PPP2R2B: variants seen among roughly 807,000 people sequenced by gnomAD.
PPP2R2B encodes protein phosphatase 2 regulatory subunit Bbeta.
A neutral mutation model predicts 46.0 loss-of-function variants in PPP2R2B; 5 were observed. The observed-to-expected ratio is 0.11, with a 90% CI of 0.06 to 0.23. The LOEUF (loss-of-function observed/expected upper bound fraction) is 0.23, where lower values mean the gene tolerates loss of function less well. PPP2R2B is among the 10% of genes least tolerant of loss of function. PPP2R2B has a pLI of 1.00. For missense variants in PPP2R2B, 367 were observed against 575.0 expected (o/e 0.64, Z 3.70); for synonymous variants, 215 against 206.7 (o/e 1.04, Z -0.34).
intron 7 of PPP2R2B, among the ~76,000 whole-genome samples, chr5:146,624,113 C>T (rs1029552146): frequency 2.0e-5 from 3 of 152,010 alleles, no homozygotes; most frequent in Non-Finnish European, 4.4e-5. Context: ...TTTTCTAAAC[C>T]CTGATTTCCT....
intron 2 of PPP2R2B, among the ~76,000 whole-genome samples, chr5:146,749,606 C>CT (rs1045634394): frequency 0.014 from 1,489 of 103,810 alleles, 41 homozygotes; most frequent in African/African-American, 0.033. Flanking sequence ...CTTTTCTTTT[C>CT]TTTTTTTTTT....
At chr5:146,731,906 C>G (rs1752254030) in intron 2 of PPP2R2B, among the ~76,000 whole-genome samples, 1 of 152,160 alleles carries the variant, frequency 6.6e-6, no homozygotes, top group Admixed American at 6.5e-5. Context: ...ATTAATTTCT[C>G]TAACTATATT....
chr5:146,650,653 T>C lies in PPP2R2B; in HGVS notation c.519A>G (p.Thr173=), dbSNP rs1425840485. 3 of 1,613,984 alleles carry C rather than the reference T, an allele frequency of 1.9e-6. No individual in the cohort carries two copies. Among genetic ancestry groups the C allele is most frequent in the Non-Finnish European group, 2.5e-6 (3 of 1,179,990 alleles). Residue 173 remains threonine, a synonymous_variant, in exon 6 of 10, where the codon ACA becomes ACG. Transcript: ENST00000394411. ...TPRRVFANAH[T]YHINSISVNS... ...TGACAGATATGGAGTTGATGTGATATGTGTGTGCGTTGGCAAATACTCTTC... is the reference window on the plus strand; with the variant it reads ...TGACAGATATGGAGTTGATGTGATACGTGTGTGCGTTGGCAAATACTCTTC...
intron 6 of PPP2R2B, among the ~76,000 whole-genome samples, chr5:146,649,552 C>T (rs1479634750): frequency 6.6e-6 from 1 of 152,022 alleles, no homozygotes; most frequent in African/African-American, 2.4e-5. Context: ...TCAAGCGATT[C>T]TCCTGCCTCA....
chr5:146,633,558 G>A (rs1420797601), intron 7 of PPP2R2B, among the ~76,000 whole-genome samples: 2 of 152,254 alleles, frequency 1.3e-5, no homozygotes, highest in Non-Finnish European at 2.9e-5. Context: ...AAGGAGTCAG[G>A]AAAATGAATT....
At chr5:147,060,850 CT>C (rs963194301), upstream of PPP2R2B, among the ~76,000 whole-genome samples, 1 of 152,050 alleles carries the variant, frequency 6.6e-6, no homozygotes, top group Admixed American at 6.6e-5. Flanking sequence ...AAAAATTGGA[CT>C]TTTTTTATGC....
intron 2 of PPP2R2B, among the ~76,000 whole-genome samples, chr5:146,803,457 G>T (rs1045961573): frequency 1.3e-5 from 2 of 152,084 alleles, no homozygotes; most frequent in Non-Finnish European, 2.9e-5. Context: ...ACTGTTATGA[G>T]AATCTAACCA....
At chr5:146,691,484 T>C (rs1474856557) in intron 4 of PPP2R2B, among the ~76,000 whole-genome samples, 2 of 152,226 alleles carry the variant, frequency 1.3e-5, no homozygotes, top group African/African-American at 2.4e-5. Flanking sequence ...CTTAAATCTA[T>C]AGCTTATACC....
chr5:146,818,223 G>A (rs1758046875), intron 2 of PPP2R2B, among the ~76,000 whole-genome samples: 2 of 152,150 alleles, frequency 1.3e-5, no homozygotes, highest in South Asian at 4.1e-4. Flanking sequence ...GGCATGGAAA[G>A]CTGTCTTGAT....
chr5:146,888,454 C>G (rs1762396940), intron 1 of PPP2R2B, among the ~76,000 whole-genome samples: 1 of 152,118 alleles, frequency 6.6e-6, no homozygotes, highest in African/African-American at 2.4e-5. Flanking sequence ...AACTATCATC[C>G]TATCTCACCA....
intron 1 of PPP2R2B, among the ~76,000 whole-genome samples, chr5:147,055,072 C>T (rs1757012102): frequency 6.6e-6 from 1 of 152,166 alleles, no homozygotes; most frequent in Non-Finnish European, 1.5e-5. Context: ...GTAGAAGGCT[C>T]AGCCTACCCT....
chr5:146,838,570 C>CAAAAA (rs67308237), intron 2 of PPP2R2B, among the ~76,000 whole-genome samples: 1 of 97,274 alleles, frequency 1.0e-5, no homozygotes. Context: ...GCCTCCATCT[C>CAAAAA]AAAAAAAAAA....
Position 146,588,278 on chromosome 5 carries a change from C to CTGT in PPP2R2B, c.*1666_*1668dup, listed in dbSNP as rs1445843474. On this transcript the variant is annotated 3_prime_UTR_variant, in exon 10 of 10. Transcript: ENST00000394411. The stretch of plus-strand genomic sequence containing the variant: ...TGAAATTGGGCTGCATCTAACAAGA[C>CTGT]TGTTTTTACCTAAGGTGACAGTTAT... 1.3e-5 allele frequency: 2 copies of CTGT among 152,168 alleles called. No homozygotes were observed. The highest frequency in any genetic ancestry group is 2.9e-5 in the Non-Finnish European group (2 of 68,012). 9.4% of individuals were successfully genotyped at this position (152,168 alleles called of 1,614,324 possible). A position where few individuals can be genotyped will look rare whatever the true frequency, so the allele number is the denominator to read the frequency against.
intron 1 of PPP2R2B, among the ~76,000 whole-genome samples, chr5:147,036,448 C>G (rs1317303777): frequency 6.6e-6 from 1 of 152,164 alleles, no homozygotes; most frequent in East Asian, 1.9e-4. Flanking sequence ...CATGTCTTTG[C>G]TATTGTGAAT....
intron 2 of PPP2R2B, among the ~76,000 whole-genome samples, chr5:146,862,679 G>A (rs986840559): frequency 2.0e-5 from 3 of 152,070 alleles, no homozygotes; most frequent in Non-Finnish European, 4.4e-5. Flanking sequence ...AAAGATGAGA[G>A]GACAGGCAGG....
At chr5:146,743,485 T>C (rs945616267) in intron 2 of PPP2R2B, among the ~76,000 whole-genome samples, 1 of 152,172 alleles carries the variant, frequency 6.6e-6, no homozygotes. Context: ...GCTACTCACC[T>C]AATGAGAAGG....
chr5:147,045,344 T>G (rs2151899184), intron 1 of PPP2R2B, among the ~76,000 whole-genome samples: 1 of 152,296 alleles, frequency 6.6e-6, no homozygotes, highest in Admixed American at 6.5e-5. Flanking sequence ...TGTTTAAGTC[T>G]GGAAATACTT....
chr5:146,697,646 T>C (rs1779259335), intron 4 of PPP2R2B, among the ~76,000 whole-genome samples: 1 of 152,230 alleles, frequency 6.6e-6, no homozygotes, highest in African/African-American at 2.4e-5. Context: ...ATGTTGAGTT[T>C]CCTGAAATGT....
chr5:146,618,229 T>C (rs1773379572), intron 7 of PPP2R2B, among the ~76,000 whole-genome samples: 1 of 152,154 alleles, frequency 6.6e-6, no homozygotes, highest in Non-Finnish European at 1.5e-5. Context: ...AAAGTCTGAA[T>C]AACCGTATAT....
Sources: gnomAD v4.1 joint callset for allele counts (sites outside exome capture counted in the v4.1 genomes callset) on GRCh38, gnomAD v4.1.1 for gene constraint, MANE v1.5 for transcripts, NCBI Gene and HGNC (gene_info 2026-07-23, HGNC 2026-07-21) for gene names.